RPS6KC1: variants seen among roughly 807,000 people sequenced by gnomAD.
RPS6KC1 encodes the protein ribosomal protein S6 kinase C1, also known as inactive ribosomal protein S6 kinase delta-1.
A neutral mutation model predicts 103.8 loss-of-function variants in RPS6KC1; 54 were observed. That is an observed-to-expected ratio of 0.52 (90% CI 0.42 to 0.65). The LOEUF (loss-of-function observed/expected upper bound fraction) is 0.65. Ranked by LOEUF, RPS6KC1 falls within the 30% of genes least tolerant of loss-of-function variation. RPS6KC1 has a pLI of 0.00. For synonymous variants in RPS6KC1, 439 were observed against 438.7 expected, an observed-to-expected ratio of 1.00 and a Z score of -0.01; for missense variants, 1,151 against 1,253.8, an observed-to-expected ratio of 0.92 and a Z score of 1.24.
the RPS6KC1 span, among the ~76,000 whole-genome samples, chr1:213,327,211 G>A: frequency 2.0e-4 from 24 of 121,084 alleles, no homozygotes; most frequent in African/African-American, 6.5e-4. Flanking sequence ...GGGAGAAGCT[G>A]CTCAAATGGG....
chr1:213,480,235 TG>T, the RPS6KC1 span, among the ~76,000 whole-genome samples: 84 of 152,168 alleles, frequency 5.5e-4, no homozygotes, highest in African/African-American at 2.0e-3. Context: ...TCCATGATCG[TG>T]GTCATGATCT....
At chr1:213,144,627 C>T (rs1003527997) in intron 6 of RPS6KC1, among the ~76,000 whole-genome samples, 1 of 152,014 alleles carries the variant, frequency 6.6e-6, no homozygotes, top group African/African-American at 2.4e-5. Flanking sequence ...TGAAATTCAT[C>T]GTGACTTGGT....
chr1:213,121,831 C>G (rs1353798553), intron 5 of RPS6KC1, among the ~76,000 whole-genome samples: 1 of 151,986 alleles, frequency 6.6e-6, no homozygotes, highest in Non-Finnish European at 1.5e-5. Flanking sequence ...ATTGTAACCA[C>G]AAAGAAAAAT....
chr1:213,798,503 TA>T, the RPS6KC1 span, among the ~76,000 whole-genome samples: 1 of 152,138 alleles, frequency 6.6e-6, no homozygotes, highest in Non-Finnish European at 1.5e-5. Flanking sequence ...AGGTGGCCAG[TA>T]TACCTGGGAG....
chr1:213,305,113 G>A, the RPS6KC1 span, among the ~76,000 whole-genome samples: 12 of 151,798 alleles, frequency 7.9e-5, no homozygotes, highest in Non-Finnish European at 1.6e-4. Flanking sequence ...TTGAGAGAGT[G>A]TTGCTCTGTT....
chr1:213,530,537 TC>T, the RPS6KC1 span, among the ~76,000 whole-genome samples: 2 of 148,062 alleles, frequency 1.4e-5, no homozygotes, highest in Non-Finnish European at 3.0e-5. Flanking sequence ...ATAGAGTAGT[TC>T]TCATGGCTTC....
the RPS6KC1 span, among the ~76,000 whole-genome samples, chr1:213,508,495 C>G: frequency 1.3e-5 from 2 of 151,806 alleles, no homozygotes; most frequent in Admixed American, 1.3e-4. Flanking sequence ...AGCTGTGTTG[C>G]TTTTGAAAGT....
At chr1:213,395,605 G>A in the RPS6KC1 span, among the ~76,000 whole-genome samples, 1 of 152,148 alleles carries the variant, frequency 6.6e-6, no homozygotes, top group East Asian at 1.9e-4. Context: ...ATCCCAGGGG[G>A]AAAAAGGCCC....
At chr1:213,467,867 G>A in the RPS6KC1 span, among the ~76,000 whole-genome samples, 3 of 152,142 alleles carry the variant, frequency 2.0e-5, no homozygotes, top group Non-Finnish European at 4.4e-5. Flanking sequence ...CCACAGATTT[G>A]CATTTCATTT....
the RPS6KC1 span, among the ~76,000 whole-genome samples, chr1:213,560,750 C>G: frequency 2.0e-4 from 31 of 152,142 alleles, no homozygotes; most frequent in Non-Finnish European, 2.5e-4. Flanking sequence ...AACTCCCCCC[C>G]ACCAAATCTC....
At chr1:213,376,539 A>T in the RPS6KC1 span, among the ~76,000 whole-genome samples, 29,997 of 151,816 alleles carry the variant, frequency 0.2, 3,418 homozygotes, top group African/African-American at 0.32. Flanking sequence ...AAAAAAAGAT[A>T]TGGTCCCACA....
the RPS6KC1 span, among the ~76,000 whole-genome samples, chr1:213,786,565 A>G: frequency 6.6e-6 from 1 of 152,200 alleles, no homozygotes; most frequent in African/African-American, 2.4e-5. Context: ...TTCTTCTTTT[A>G]TAAAGTGGAA....
chr1:213,113,088 A>T lies in RPS6KC1; in HGVS notation c.379-4229A>T, dbSNP rs1222526700. ...TTTGGGTATATACCCAGTAATGGGA[A>T]GGCTGGGTCAAATGGTATTTCTAGT... On this transcript the variant is annotated intron_variant, in intron 4 of 14. Coordinates refer to ENST00000366960, the MANE Select transcript of RPS6KC1 (RefSeq NM_012424.6). Among the ~76,000 whole-genome samples, 750 of 152,246 alleles carry T rather than the reference A, an allele frequency of 4.9e-3. 6 individuals are homozygous for T. The highest frequency in any genetic ancestry group is 0.014 in the African/African-American group (575 of 41,528).
At chr1:213,714,842 G>T in the RPS6KC1 span, among the ~76,000 whole-genome samples, 1 of 152,228 alleles carries the variant, frequency 6.6e-6, no homozygotes, top group Admixed American at 6.5e-5. Flanking sequence ...CAACAGTGCA[G>T]CCATTCACAG....
chr1:213,349,237 C>T, the RPS6KC1 span, among the ~76,000 whole-genome samples: 5 of 152,150 alleles, frequency 3.3e-5, no homozygotes, highest in Admixed American at 6.5e-5. Flanking sequence ...TACACAAACA[C>T]ACTTTGAACA....
the RPS6KC1 span, among the ~76,000 whole-genome samples, chr1:213,562,254 T>G: frequency 6.6e-6 from 1 of 152,094 alleles, no homozygotes; most frequent in African/African-American, 2.4e-5. Flanking sequence ...GATACCAAGT[T>G]TTGGTATTGA....
chr1:213,744,564 G>A, the RPS6KC1 span, among the ~76,000 whole-genome samples: 1 of 152,052 alleles, frequency 6.6e-6, no homozygotes, highest in African/African-American at 2.4e-5. Flanking sequence ...GCCTTTTTTT[G>A]TTATTCCTTA....
chr1:213,577,260 T>G, the RPS6KC1 span, among the ~76,000 whole-genome samples: 5 of 152,210 alleles, frequency 3.3e-5, no homozygotes. Flanking sequence ...AAAATGTGCC[T>G]TTGCTTCTCC....
chr1:213,394,529 C>T, the RPS6KC1 span, among the ~76,000 whole-genome samples: 3 of 152,076 alleles, frequency 2.0e-5, no homozygotes, highest in South Asian at 2.1e-4. Context: ...TTACCTCCCT[C>T]GGTTTGGTGC....
Sources: allele counts gnomAD v4.1 joint callset (sites outside exome capture counted in the v4.1 genomes callset), GRCh38; gene constraint gnomAD v4.1.1; transcripts MANE v1.5; gene names NCBI Gene and HGNC (gene_info 2026-07-23, HGNC 2026-07-21).